Variants in TTC13 observed in about 807,000 individuals in gnomAD.
TTC13 encodes tetratricopeptide repeat domain 13.
TTC13 carries 62 observed loss-of-function variants against 120.0 expected under a neutral mutation model. The ratio of observed to expected loss-of-function variants is 0.52; its 90% CI spans 0.42 to 0.64. TTC13 has a LOEUF of 0.64. TTC13 is among the 30% of genes least tolerant of loss of function. The pLI, the probability that TTC13 is intolerant of heterozygous loss-of-function variation, is 0.00. For synonymous variants in TTC13, 384 were observed against 393.5 expected, an observed-to-expected ratio of 0.98 and a Z score of 0.28; for missense variants, 824 against 1,050.2, an observed-to-expected ratio of 0.78 and a Z score of 2.98.
chr1:230,945,592 A>G (rs1385184194), intron 4 of TTC13, 138 bp from the exon 5 acceptor site: 9 of 758,054 alleles, frequency 1.2e-5, no homozygotes, highest in Admixed American at 1.1e-4. Context: ...GTCAATACGC[A>G]GTCTCCAACC....
At position 230,961,063 on chromosome 1, in the gene TTC13, C is replaced by T; in HGVS notation, c.366+146G>A. 5 of 594,964 alleles carry T rather than the reference C, an allele frequency of 8.4e-6. No individual in the cohort carries two copies. The South Asian group carries it at 1.1e-4, about 13-fold the overall frequency. 36.9% of individuals were successfully genotyped at this position (594,964 alleles called of 1,614,324 possible). ...ATTCATAAGTCATAATTCAATGTGG[C>T]AAAATACCAGACGACCTATCTTTAT... On this transcript the variant is annotated intron_variant, in intron 2 of 22. Coordinates refer to ENST00000366661, the MANE Select transcript of TTC13 (RefSeq NM_024525.5).
chr1:230,972,771 A>G lies in TTC13; in HGVS notation c.271+5789T>C, dbSNP rs180979088. Among the ~76,000 whole-genome samples the G allele has an allele frequency of 3.9e-5, 6 of 152,260 alleles. No individual in the cohort carries two copies. In the East Asian group the frequency reaches 9.6e-4, roughly 24 times the overall value. On this transcript the variant is annotated intron_variant, in intron 1 of 22. Coordinates refer to ENST00000366661, the MANE Select transcript of TTC13 (RefSeq NM_024525.5). ...AGTATGTAGATCTTTTAAAAGGTAG[A>G]TGTAATTCTTAATGACAACAGATAT...
At chr1:230,943,384 T>A (rs528400679) in intron 6 of TTC13, among the ~76,000 whole-genome samples, 1 of 152,264 alleles carries the variant, frequency 6.6e-6, no homozygotes, top group East Asian at 1.9e-4. Flanking sequence ...CATATTACCA[T>A]GGAATACTAT....
At position 230,908,720 on chromosome 1, in the gene TTC13, G is replaced by A. The variant is rs762195065; in HGVS notation, c.2460C>T (p.Asn820=). 6.2e-7 allele frequency: 1 copy of A among 1,613,328 alleles called. No individual in the cohort carries two copies. Among genetic ancestry groups the A allele is most frequent in the Non-Finnish European group, 8.5e-7 (1 of 1,179,348 alleles). The part of the protein sequence containing the change: ...AFSKVAKSWM[N]LKSISPSYKT... The stretch of plus-strand genomic sequence containing the variant: ...CCCCCTCAAGTAGTTACCTTTTCAA[G>A]TTCATCCAGCTTTTGGCGACTTTGC... The change falls in exon 22 of 23, where the codon AAC becomes AAT. Residue 820 remains asparagine, a synonymous_variant. Transcript: ENST00000366661.
chr1:230,931,635 A>C, intron 10 of TTC13, 101 bp downstream of exon 10: 5 of 1,495,650 alleles, frequency 3.3e-6, no homozygotes, highest in Non-Finnish European at 4.5e-6. Flanking sequence ...GTTGGAGTAG[A>C]AACACTATTC....
chr1:230,976,913 C>G (rs533756021), intron 1 of TTC13, among the ~76,000 whole-genome samples: 2 of 152,144 alleles, frequency 1.3e-5, no homozygotes, highest in African/African-American at 2.4e-5. Context: ...ACTGTCTAAA[C>G]GCTGGGGCTC....
In TTC13 at chr1:230,910,810, G is replaced by A. The variant is rs1014774533; in HGVS notation, c.2309+660C>T. On this transcript the variant is annotated intron_variant, in intron 20 of 22. Coordinates refer to ENST00000366661, the MANE Select transcript of TTC13 (RefSeq NM_024525.5). ...ACCAAATTTACTACCACACTTAGGG[G>A]AGTTTTACTTTCTAAGCCATTAATC... 5.9e-5 allele frequency among the ~76,000 whole-genome samples: 9 copies of A among 152,202 alleles called. No individual in the cohort carries two copies. In the South Asian group the frequency reaches 8.3e-4, roughly 14 times the overall value.
At chr1:230,941,212 A>G (rs371383604) in intron 6 of TTC13, among the ~76,000 whole-genome samples, 1 of 152,246 alleles carries the variant, frequency 6.6e-6, no homozygotes, top group East Asian at 1.9e-4. Context: ...CCAAAAAGAC[A>G]TAAGAAAATC....
Position 230,908,973 on chromosome 1 carries a change from T to C in TTC13, c.2357A>G (p.Lys786Arg), listed in dbSNP as rs1256164936. Residue 786 changes from lysine (K) to arginine (R), a missense_variant, in exon 21 of 23, where the codon AAA becomes AGA. Transcript: ENST00000366661. ...VIVGALMASG[K>R]EVAGKIPKGK... ...TTTGGGAATTTTTCCTGCTACTTCT[T>C]TTCCACTTGCCATCAGTGCTCCCAC... 6.2e-7 allele frequency: 1 copy of C among 1,614,084 alleles called. No homozygotes were observed. Among genetic ancestry groups the C allele is most frequent in the Admixed American group, 1.7e-5 (1 of 60,010 alleles).
rs1223855470 is a variant in TTC13 at position 230,931,489 on chromosome 1, G to T, written c.1126-17C>A. ...CAGACACCGCTGAGGACAAAATGCT[G>T]CATTAGTATCAACACAGTTTAGGAA... On this transcript the variant is annotated splice_polypyrimidine_tract_variant and intron_variant, in intron 10 of 22. Transcript: ENST00000366661. 12 of 1,611,884 alleles carry T rather than the reference G, an allele frequency of 7.4e-6. No homozygotes were observed. The highest frequency in any genetic ancestry group is 1.0e-5 in the Non-Finnish European group (12 of 1,179,186).
chr1:230,939,357 T>C (rs1190679138), intron 8 of TTC13, 29 bp downstream of exon 8: 3 of 1,408,096 alleles, frequency 2.1e-6, no homozygotes, highest in East Asian at 2.3e-5. Context: ...AGAGTCATCA[T>C]ATGGTACACA....
intron 4 of TTC13, among the ~76,000 whole-genome samples, chr1:230,947,282 C>G (rs958129706): frequency 2.6e-5 from 4 of 151,844 alleles, no homozygotes; most frequent in Non-Finnish European, 1.5e-5. Context: ...AGAAAGGATA[C>G]AGGTGTCAGG....
intron 8 of TTC13, among the ~76,000 whole-genome samples, chr1:230,937,894 C>T (rs1462970760): frequency 6.6e-6 from 1 of 152,192 alleles, no homozygotes; most frequent in Non-Finnish European, 1.5e-5. Context: ...GCCCATGGAG[C>T]TTGGAGCGAG....
At chr1:230,970,801 C>G (rs1353495501) in intron 1 of TTC13, among the ~76,000 whole-genome samples, 1 of 152,128 alleles carries the variant, frequency 6.6e-6, no homozygotes, top group Non-Finnish European at 1.5e-5. Flanking sequence ...ACTTATCACT[C>G]GACCACCTAG....
intron 4 of TTC13, among the ~76,000 whole-genome samples, chr1:230,948,783 C>A (rs116729142): frequency 2.1e-3 from 327 of 152,272 alleles, no homozygotes; most frequent in African/African-American, 7.7e-3. Flanking sequence ...AGCCACCACA[C>A]CCAGCTTCAC....
chr1:230,964,948 C>G (rs1157068362), intron 1 of TTC13, among the ~76,000 whole-genome samples: 1 of 152,144 alleles, frequency 6.6e-6, no homozygotes, highest in African/African-American at 2.4e-5. Flanking sequence ...AAACTAGACT[C>G]CTATCCCTCA....
chr1:230,971,669 T>G (rs1677770132), intron 1 of TTC13, among the ~76,000 whole-genome samples: 1 of 152,182 alleles, frequency 6.6e-6, no homozygotes, highest in Non-Finnish European at 1.5e-5. Flanking sequence ...AAAGCTTGAA[T>G]GTAATAGGAT....
At chr1:230,965,237 G>T (rs747754934) in intron 1 of TTC13, among the ~76,000 whole-genome samples, 1 of 152,138 alleles carries the variant, frequency 6.6e-6, no homozygotes, top group Non-Finnish European at 1.5e-5. Flanking sequence ...TCTGACAAGC[G>T]ATTAGTAACC....
chr1:230,965,355 C>T (rs1677033534), intron 1 of TTC13, among the ~76,000 whole-genome samples: 1 of 152,172 alleles, frequency 6.6e-6, no homozygotes, highest in Non-Finnish European at 1.5e-5. Context: ...AAAAGGCCAA[C>T]AGGCATATGA....
Sources: gnomAD v4.1 joint callset for allele counts (sites outside exome capture counted in the v4.1 genomes callset) on GRCh38, gnomAD v4.1.1 for gene constraint, MANE v1.5 for transcripts, NCBI Gene and HGNC (gene_info 2026-07-23, HGNC 2026-07-21) for gene names.